CLN6: variants seen among roughly 807,000 people sequenced by gnomAD.
The protein encoded by CLN6 is ceroid-lipofuscinosis neuronal protein 6.
Under a neutral mutation model 33.3 loss-of-function variants are expected in CLN6, and 22 were observed. The observed-to-expected ratio is 0.66, with a 90% CI of 0.47 to 0.94. The LOEUF (loss-of-function observed/expected upper bound fraction) is 0.94. Ranked by LOEUF, CLN6 falls within the 40% of genes least tolerant of loss-of-function variation. The pLI, the probability that CLN6 is intolerant of heterozygous loss-of-function variation, is 0.00. For synonymous variants in CLN6, 201 were observed against 174.6 expected (o/e 1.15, Z -1.19); for missense variants, 387 against 417.1 (o/e 0.93, Z 0.63).
chr15:68,217,674 T>C (rs1286591266), intron 2 of CLN6, among the ~76,000 whole-genome samples: 1 of 152,194 alleles, frequency 6.6e-6, no homozygotes, highest in Non-Finnish European at 1.5e-5. Context: ...ACTGAGAGTA[T>C]AGGCCTGGAT....
At position 68,207,658 on chromosome 15, in the gene CLN6, C is replaced by T. The variant is rs2093190692; in HGVS notation, c.*482G>A. On this transcript the variant is annotated 3_prime_UTR_variant, in exon 7 of 7. Transcript: ENST00000249806. Reference sequence around the variant, plus strand: ...GGAGAAATGCTTTGCTCAACAGCCACAGTAGGCTGACGTAACCTATGTAAT... The same window carrying T: ...GGAGAAATGCTTTGCTCAACAGCCATAGTAGGCTGACGTAACCTATGTAAT... The T allele has an allele frequency of 4.8e-6, 1 of 208,644 alleles. No individual in the cohort carries two copies. Among genetic ancestry groups the T allele is most frequent in the Non-Finnish European group, 9.8e-6 (1 of 101,646 alleles). 12.9% of individuals were successfully genotyped at this position (208,644 alleles called of 1,614,324 possible).
rs1316598324 is a variant in CLN6 at position 68,256,709 on chromosome 15, GTT to G, written c.158_159del (p.Lys53ThrfsTer6). The G allele has an allele frequency of 1.5e-6, 1 of 677,088 alleles. No homozygotes were observed. Among genetic ancestry groups the G allele is most frequent in the Non-Finnish European group, 2.7e-6 (1 of 372,404 alleles). The allele number at this position is 677,088 out of a possible 1,614,324, so 41.9% of individuals were successfully genotyped here. A position where few individuals can be genotyped will look rare whatever the true frequency, so the allele number is the denominator to read the frequency against. On this transcript the variant is annotated frameshift_variant, in exon 1 of 7. Coordinates refer to the CLN6 transcript ENST00000538696. LOFTEE classifies it high-confidence loss of function. The surrounding 1 kb of genome is among the most constrained non-coding windows in gnomAD (Gnocchi z 4.1). The stretch of plus-strand genomic sequence containing the variant: ...ACTTACTTTTTACCTTTGAATTTGA[GTT>G]TTCTCAGCGAAGTCTCACAGGACAA...
At position 68,211,932 on chromosome 15, in the gene CLN6, C is replaced by CA; in HGVS notation, c.298-70_298-69insT. ...ACAGTATGTGACACCCTCTGCTTCC[C>CA]CCCTCACACCTGGGGTGGGATGGAC... On this transcript the variant is annotated intron_variant, in intron 3 of 6. Coordinates refer to ENST00000249806, the MANE Select transcript of CLN6 (RefSeq NM_017882.3). The surrounding 1 kb of genome is among the most constrained non-coding windows in gnomAD (Gnocchi z 5.9). 9 of 1,508,946 alleles carry CA rather than the reference C, an allele frequency of 6.0e-6. No individual in the cohort carries two copies. Among genetic ancestry groups the CA allele is most frequent in the African/African-American group, 1.4e-5 (1 of 73,090 alleles). The allele number at this position is 1,508,946 out of a possible 1,614,324, so 93.5% of individuals were successfully genotyped here. A position where few individuals can be genotyped will look rare whatever the true frequency, so the allele number is the denominator to read the frequency against.
At chr15:68,254,174 C>T (rs550302725) in intron 1 of CLN6, among the ~76,000 whole-genome samples, 39 of 152,152 alleles carry the variant, frequency 2.6e-4, no homozygotes, top group Admixed American at 2.0e-3. Flanking sequence ...CCACCGCGCC[C>T]GGCCAAAACT....
chr15:68,211,560 C>A lies in CLN6; in HGVS notation c.486+115G>T. ...GGCAGGCGACAGTGCCCTCACCTAG[C>A]AGAATGCCTTTGGTGAAAGGACAGG... On this transcript the variant is annotated intron_variant, in intron 4 of 6. Transcript: ENST00000249806. The surrounding 1 kb of genome is among the most constrained non-coding windows in gnomAD (Gnocchi z 5.9). 6.2e-7 allele frequency: 1 copy of A among 1,600,290 alleles called. No individual in the cohort carries two copies. The highest frequency in any genetic ancestry group is 8.5e-7 in the Non-Finnish European group (1 of 1,179,172).
chr15:68,229,674 G>A lies in CLN6; in HGVS notation c.-90C>T, dbSNP rs987012423. 13 of 1,126,754 alleles carry A rather than the reference G, an allele frequency of 1.2e-5. No individual in the cohort carries two copies. Among genetic ancestry groups the A allele is most frequent in the African/African-American group, 3.3e-5 (2 of 61,008 alleles). 69.8% of individuals were successfully genotyped at this position (1,126,754 alleles called of 1,614,324 possible). On this transcript the variant is annotated 5_prime_UTR_variant, in exon 1 of 7. Coordinates refer to ENST00000249806, the MANE Select transcript of CLN6 (RefSeq NM_017882.3). ...CGGCGGAGGCCGCCGCAAATTCCCA[G>A]CGCGGGGCGGTTCGGGGCGGGCCGG... is the stretch of plus-strand genomic sequence containing the variant.
upstream of CLN6, among the ~76,000 whole-genome samples, chr15:68,232,346 AC>A (rs1479337543): frequency 1.3e-5 from 2 of 151,840 alleles, no homozygotes; most frequent in Non-Finnish European, 2.9e-5. The surrounding 1 kb of genome is among the most constrained non-coding windows in gnomAD (Gnocchi z 4.7). Flanking sequence ...TTTAGTAGAG[AC>A]GGGGTTTCAC....
intron 1 of CLN6, among the ~76,000 whole-genome samples, chr15:68,226,875 TGGAAATA>T (rs1459933193): frequency 6.6e-6 from 1 of 152,182 alleles, no homozygotes; most frequent in Non-Finnish European, 1.5e-5. Context: ...ACATATTATT[TGGAAATA>T]GGAATTTGAC....
chr15:68,248,289 G>T (rs767032751), intron 1 of CLN6: 11 of 152,142 alleles, frequency 7.2e-5, no homozygotes, highest in Admixed American at 6.5e-4. Context: ...ATATGCAGAA[G>T]AATGAACTAT....
chr15:68,255,279 C>T (rs1490438328), intron 1 of CLN6, among the ~76,000 whole-genome samples: 2 of 133,812 alleles, frequency 1.5e-5, no homozygotes, highest in Non-Finnish European at 3.3e-5. Flanking sequence ...GATTTAACTC[C>T]CTTAAACCCA....
rs1479109916 is a variant in CLN6 at position 68,256,097 on chromosome 15, CTT to C, written c.179+591_179+592del. Among the ~76,000 whole-genome samples, 1 of 151,964 alleles carries C rather than the reference CTT, an allele frequency of 6.6e-6. No individual in the cohort carries two copies. The highest frequency in any genetic ancestry group is 1.5e-5 in the Non-Finnish European group (1 of 67,962). On this transcript the variant is annotated intron_variant, in intron 1 of 6. Coordinates refer to the CLN6 transcript ENST00000538696. This position sits in a 1 kb window ranked among gnomAD's most constrained non-coding sequence, Gnocchi z 4.1. Reference sequence around the variant, plus strand: ...AGTCACCGCCCCCAGCCTTTCCCCTCTTTTTATTTTATTATTATTATTTTTTT... The same window carrying C: ...AGTCACCGCCCCCAGCCTTTCCCCTCTTTATTTTATTATTATTATTTTTTT...
Position 68,209,536 on chromosome 15 carries a change from C to T in CLN6, c.665+101G>A. On this transcript the variant is annotated intron_variant, in intron 6 of 6. Coordinates refer to ENST00000249806, the MANE Select transcript of CLN6 (RefSeq NM_017882.3). This position sits in a 1 kb window ranked among gnomAD's most constrained non-coding sequence, Gnocchi z 4.9. ...AAGCACGGGCCCAAAGAGGGCCAGT[C>T]TCCCTGGGGCCACACAGCAGGTCCA... 1 of 1,525,498 alleles carries T rather than the reference C, an allele frequency of 6.6e-7. No homozygotes were observed. Among genetic ancestry groups the T allele is most frequent in the Non-Finnish European group, 9.0e-7 (1 of 1,114,406 alleles). The allele number at this position is 1,525,498 out of a possible 1,614,324, so 94.5% of individuals were successfully genotyped here. A position where few individuals can be genotyped will look rare whatever the true frequency, so the allele number is the denominator to read the frequency against.
intron 1 of CLN6, among the ~76,000 whole-genome samples, chr15:68,255,560 T>C (rs1892425591): frequency 6.6e-6 from 1 of 152,226 alleles, no homozygotes; most frequent in Non-Finnish European, 1.5e-5. Flanking sequence ...GGACTTCATT[T>C]GGGTTTTATA....
At chr15:68,225,553 G>A (rs2141152439) in intron 1 of CLN6, among the ~76,000 whole-genome samples, 1 of 152,334 alleles carries the variant, frequency 6.6e-6, no homozygotes, top group Admixed American at 6.5e-5. Context: ...CACAGTCATG[G>A]CTCATTGCAG....
At position 68,236,235 on chromosome 15, in the gene CLN6, AC is replaced by A. The variant is rs1892218872; in HGVS notation, c.180-17586del. Among the ~76,000 whole-genome samples, 1 of 152,204 alleles carries A rather than the reference AC, an allele frequency of 6.6e-6. No homozygotes were observed. The highest frequency in any genetic ancestry group is 1.5e-5 in the Non-Finnish European group (1 of 68,036). On this transcript the variant is annotated intron_variant, in intron 1 of 6. Coordinates refer to the CLN6 transcript ENST00000538696. The surrounding 1 kb of genome is among the most constrained non-coding windows in gnomAD (Gnocchi z 4.5). ...CTGTTAAATACAGAGTTAGTACATG[AC>A]CCAGCAACTCTGCTTTTAGGTATAG...
intron 1 of CLN6, among the ~76,000 whole-genome samples, chr15:68,221,173 G>A (rs1460527938): frequency 6.6e-6 from 1 of 151,954 alleles, no homozygotes; most frequent in African/African-American, 2.4e-5. Context: ...TTCTGTTTTT[G>A]ATTACTAGGC....
chr15:68,208,202 C>A lies in CLN6; in HGVS notation c.874G>T (p.Gly292Cys), dbSNP rs769801040. The change falls in exon 7 of 7, where the codon GGT (glycine) becomes TGT (cysteine). Residue 292 changes from glycine to cysteine, a missense_variant. By Grantham distance (159) the Gly-to-Cys change is radical (BLOSUM62 -3). Coordinates refer to ENST00000249806, the MANE Select transcript of CLN6 (RefSeq NM_017882.3). The surrounding 1 kb of genome is among the most constrained non-coding windows in gnomAD (Gnocchi z 5.8). ...NDPVLRKKYP[G>C]VIYVPEPWAF... ...CAGGGCTCAGGGACGTAGATGACAC[C>A]CGGGTACTTCTTCCTGAGAACAGGG... is the stretch of plus-strand genomic sequence containing the variant. 6.2e-7 allele frequency: 1 copy of A among 1,613,130 alleles called. No individual in the cohort carries two copies.
At chr15:68,253,226 G>T (rs1892397785) in intron 1 of CLN6, among the ~76,000 whole-genome samples, 1 of 152,194 alleles carries the variant, frequency 6.6e-6, no homozygotes, top group Non-Finnish European at 1.5e-5. Flanking sequence ...ATATAAAATA[G>T]GGCTTGATGT....
Position 68,211,164 on chromosome 15 carries a change from C to T in CLN6, c.542+99G>A, listed in dbSNP as rs1465667317. 2.0e-6 allele frequency: 2 copies of T among 1,015,734 alleles called. No individual in the cohort carries two copies. The highest frequency in any genetic ancestry group is 3.4e-5 in the Admixed American group (2 of 59,230). 62.9% of individuals were successfully genotyped at this position (1,015,734 alleles called of 1,614,324 possible). On this transcript the variant is annotated intron_variant, in intron 5 of 6. Coordinates refer to ENST00000249806, the MANE Select transcript of CLN6 (RefSeq NM_017882.3). The surrounding 1 kb of genome is among the most constrained non-coding windows in gnomAD (Gnocchi z 5.9). Reference sequence around the variant, plus strand: ...GGGATGAGACTCAACACATGGAGACCCGCAGCCCAGACAGCCTTGCTCAGT... The same window carrying T: ...GGGATGAGACTCAACACATGGAGACTCGCAGCCCAGACAGCCTTGCTCAGT...
Sources: gnomAD v4.1 joint callset for allele counts (sites outside exome capture counted in the v4.1 genomes callset) on GRCh38, gnomAD v4.1.1 for gene constraint, Gnocchi (gnomAD v3.1) non-coding constraint, MANE v1.5 for transcripts, NCBI Gene and HGNC (gene_info 2026-07-23, HGNC 2026-07-21) for gene names.